The following GNG11 variants were observed in gnomAD, a reference collection of about 807,000 sequenced individuals.
GNG11 encodes the protein G protein subunit gamma 11, also known as guanine nucleotide-binding protein G(I)/G(S)/G(O) subunit gamma-11.
Under a neutral mutation model 7.4 loss-of-function variants are expected in GNG11, and 6 were observed. That is an observed-to-expected ratio of 0.81 (90% CI 0.44 to 1.60). The LOEUF is 1.60. Among genes scored for constraint, GNG11 ranks in the 40% most tolerant of loss-of-function variants. GNG11 has a pLI of 0.01. For synonymous variants in GNG11, 31 were observed against 25.9 expected (o/e 1.20, Z -0.60); for missense variants, 65 against 83.0 (o/e 0.78, Z 0.84).
intron 1 of GNG11, among the ~76,000 whole-genome samples, chr7:93,924,892 C>T (rs1420973633): frequency 1.3e-5 from 2 of 152,216 alleles, no homozygotes; most frequent in South Asian, 2.1e-4. Flanking sequence ...CGGCCTGGCG[C>T]GGTGTCCCAC....
chr7:93,925,913 C>A (rs1794672012), intron 1 of GNG11, among the ~76,000 whole-genome samples, 178 bp from the exon 2 acceptor site: 1 of 151,084 alleles, frequency 6.6e-6, no homozygotes, highest in African/African-American at 2.4e-5. Context: ...GTGCAGAGCC[C>A]AGATTTTATA....
chr7:93,925,612 GGCATTACACACCCC>G (rs1249381553), intron 1 of GNG11, among the ~76,000 whole-genome samples: 1 of 152,064 alleles, frequency 6.6e-6, no homozygotes, highest in African/African-American at 2.4e-5. Context: ...TGAGAATCGT[GGCATTACACACCCC>G]AAAACATTTG....
At position 93,925,958 on chromosome 7, in the gene GNG11, T is replaced by C. The variant is rs149193147; in HGVS notation, c.97-133T>C. On this transcript the variant is annotated intron_variant, in intron 1 of 1. Transcript: ENST00000248564. Reference sequence around the variant, plus strand: ...TATATATAATATATACACACACACATGCACATATATATGTAAATGTAAAAA... The same window carrying C: ...TATATATAATATATACACACACACACGCACATATATATGTAAATGTAAAAA... 380 of 316,994 alleles carry C rather than the reference T, an allele frequency of 1.2e-3. 1 individual carries two copies. Among genetic ancestry groups the C allele is most frequent in the African/African-American group, 7.8e-3 (358 of 45,660 alleles). The allele number at this position is 316,994 out of a possible 1,614,324, so 19.6% of individuals were successfully genotyped here.
At chr7:93,923,894 T>C (rs1794645414) in intron 1 of GNG11, among the ~76,000 whole-genome samples, 1 of 152,074 alleles carries the variant, frequency 6.6e-6, no homozygotes, top group Non-Finnish European at 1.5e-5. Context: ...CCTTAGGAAA[T>C]ACAGAAAGAG....
Position 93,927,679 on chromosome 7 carries a change from C to G in GNG11, c.*1463C>G, listed in dbSNP as rs958497862. The G allele has an allele frequency of 2.0e-5, 3 of 152,186 alleles. No homozygotes were observed. Among genetic ancestry groups the G allele is most frequent in the Admixed American group, 2.0e-4 (3 of 15,278 alleles). 9.4% of individuals were successfully genotyped at this position (152,186 alleles called of 1,614,324 possible). A position where few individuals can be genotyped will look rare whatever the true frequency, so the allele number is the denominator to read the frequency against. ...TATCAGCATCCTCGTTCTGAAATTC[C>G]TTTCCTTTCCCTCTCTGGGAAAGAA... is the stretch of plus-strand genomic sequence containing the variant. On this transcript the variant is annotated 3_prime_UTR_variant, in exon 2 of 2. Transcript: ENST00000248564.
chr7:93,925,177 T>TAATTA (rs1443662590), intron 1 of GNG11, among the ~76,000 whole-genome samples: 1 of 152,102 alleles, frequency 6.6e-6, no homozygotes, highest in Non-Finnish European at 1.5e-5. Flanking sequence ...AAGAAATAAA[T>TAATTA]AATTAAATTA....
chr7:93,925,080 C>CG (rs1794659071), intron 1 of GNG11, among the ~76,000 whole-genome samples: 1 of 152,168 alleles, frequency 6.6e-6, no homozygotes, highest in African/African-American at 2.4e-5. Flanking sequence ...AGGAGAATGG[C>CG]TAGAATCCGG....
chr7:93,927,925 T>C lies in GNG11; in HGVS notation c.*1709T>C, dbSNP rs1431449416. 2.0e-5 allele frequency: 3 copies of C among 152,288 alleles called. No homozygotes were observed. The East Asian group carries it at 5.8e-4, about 29-fold the overall frequency. 9.4% of individuals were successfully genotyped at this position (152,288 alleles called of 1,614,324 possible). A position where few individuals can be genotyped will look rare whatever the true frequency, so the allele number is the denominator to read the frequency against. ...AAAGGTGTATTTCTTCCAAACAGCA[T>C]AGAACTATTAGTACTATTAGTCATT... On this transcript the variant is annotated 3_prime_UTR_variant, in exon 2 of 2. Coordinates refer to ENST00000248564, the MANE Select transcript of GNG11 (RefSeq NM_004126.4).
Position 93,922,062 on chromosome 7 carries a change from C to G in GNG11, c.-76C>G, listed in dbSNP as rs551794640. On this transcript the variant is annotated 5_prime_UTR_variant, in exon 1 of 2. Transcript: ENST00000248564. ...CGGCGGGCCAGGCCTTCAGTTGTTTCGGGACGCGCCGAGCTTCGCCGCTCT... is the reference window on the plus strand; with the variant it reads ...CGGCGGGCCAGGCCTTCAGTTGTTTGGGGACGCGCCGAGCTTCGCCGCTCT... 1 of 904,448 alleles carries G rather than the reference C, an allele frequency of 1.1e-6. No individual in the cohort carries two copies. The highest frequency in any genetic ancestry group is 1.7e-6 in the Non-Finnish European group (1 of 600,266). 56.0% of individuals were successfully genotyped at this position (904,448 alleles called of 1,614,324 possible).
At chr7:93,922,487 A>T (rs1794628941) in intron 1 of GNG11, among the ~76,000 whole-genome samples, 1 of 152,188 alleles carries the variant, frequency 6.6e-6, no homozygotes, top group Non-Finnish European at 1.5e-5. Context: ...AGGAAGGGGA[A>T]AATAGACAAG....
In GNG11 at chr7:93,921,992, G is replaced by A. The variant is rs1438157488; in HGVS notation, c.-146G>A. 15 of 497,204 alleles carry A rather than the reference G, an allele frequency of 3.0e-5. No homozygotes were observed. The highest frequency in any genetic ancestry group is 4.8e-5 in the Non-Finnish European group (13 of 271,420). 30.8% of individuals were successfully genotyped at this position (497,204 alleles called of 1,614,324 possible). On this transcript the variant is annotated 5_prime_UTR_variant, in exon 1 of 2. Coordinates refer to ENST00000248564, the MANE Select transcript of GNG11 (RefSeq NM_004126.4). Reference sequence around the variant, plus strand: ...CCGGAGAAAGCCAAGCCCTCGGGGAGCTGGGGACCGCAGCAGGGCTGCAGT... The same window carrying A: ...CCGGAGAAAGCCAAGCCCTCGGGGAACTGGGGACCGCAGCAGGGCTGCAGT...
intron 1 of GNG11, among the ~76,000 whole-genome samples, chr7:93,925,056 T>C (rs1047575076): frequency 6.6e-5 from 10 of 152,036 alleles, no homozygotes; most frequent in Non-Finnish European, 8.8e-5. Context: ...CCCAGCTACT[T>C]GGGAGGCTGA....
chr7:93,924,979 G>A lies in GNG11; in HGVS notation c.97-1112G>A, dbSNP rs568957745. Among the ~76,000 whole-genome samples the A allele has an allele frequency of 2.8e-3, 426 of 152,210 alleles. 2 individuals carry two copies. The highest frequency in any genetic ancestry group is 7.4e-3 in the African/African-American group (307 of 41,540). ...GGAGATCAAGACCATGCTGGCTAAC[G>A]TGGTGAAACCCCGTCTCTACTAAAA... On this transcript the variant is annotated intron_variant, in intron 1 of 1. Coordinates refer to ENST00000248564, the MANE Select transcript of GNG11 (RefSeq NM_004126.4).
At position 93,928,388 on chromosome 7, in the gene GNG11, G is replaced by C. The variant is rs1794709961; in HGVS notation, c.*2172G>C. ...ATCATTATAACCCAGCCAACATGTA[G>C]AAGTGCAATAAAAATATTTTAATTT... On this transcript the variant is annotated 3_prime_UTR_variant, in exon 2 of 2. Transcript: ENST00000248564. The C allele has an allele frequency of 6.6e-6, 1 of 151,954 alleles. No homozygotes were observed. Among genetic ancestry groups the C allele is most frequent in the Admixed American group, 6.5e-5 (1 of 15,272 alleles). The allele number at this position is 151,954 out of a possible 1,614,324, so 9.4% of individuals were successfully genotyped here. A position where few individuals can be genotyped will look rare whatever the true frequency, so the allele number is the denominator to read the frequency against.
Position 93,922,119 on chromosome 7 carries a change from G to T in GNG11, c.-19G>T, listed in dbSNP as rs1794620866. On this transcript the variant is annotated 5_prime_UTR_variant, in exon 1 of 2. Transcript: ENST00000248564. ...GGCTCCGCTGCCAGAGCTAGCCCGA[G>T]CCCGGTTCTGGGGCGAAAATGCCTG... The T allele has an allele frequency of 5.8e-6, 9 of 1,541,876 alleles. No individual in the cohort carries two copies. The highest frequency in any genetic ancestry group is 8.0e-6 in the Non-Finnish European group (9 of 1,125,108).
intron 1 of GNG11, among the ~76,000 whole-genome samples, chr7:93,924,642 G>C (rs1049089937): frequency 7.9e-5 from 12 of 152,146 alleles, no homozygotes; most frequent in African/African-American, 2.7e-4. Context: ...TGCTATTTCT[G>C]TTTAGTTTTA....
At chr7:93,924,519 G>C (rs1380185953) in intron 1 of GNG11, among the ~76,000 whole-genome samples, 4 of 152,192 alleles carry the variant, frequency 2.6e-5, no homozygotes, top group Non-Finnish European at 4.4e-5. Context: ...ATTTTATTTT[G>C]CCAGATTTTA....
rs1397796224 is a variant in GNG11, at chr7:93,921,921, G to A, written c.-217G>A. 3 of 434,934 alleles carry A rather than the reference G, an allele frequency of 6.9e-6. No individual in the cohort carries two copies. The Admixed American group carries it at 1.2e-4, about 18-fold the overall frequency. The allele number at this position is 434,934 out of a possible 1,614,324, so 26.9% of individuals were successfully genotyped here. On this transcript the variant is annotated 5_prime_UTR_variant, in exon 1 of 2. Coordinates refer to ENST00000248564, the MANE Select transcript of GNG11 (RefSeq NM_004126.4). ...TTGCAGGGACTTGAGAAAAGGCAGA[G>A]TTCTCAGGTCCTAGGAAGCTGGGGC...
intron 1 of GNG11, among the ~76,000 whole-genome samples, chr7:93,925,400 C>T (rs1460436347): frequency 1.3e-5 from 2 of 152,024 alleles, no homozygotes; most frequent in African/African-American, 2.4e-5. Context: ...TTCTCCATCT[C>T]AGAAAAAAAT....
Sources: gnomAD v4.1 joint callset for allele counts (sites outside exome capture counted in the v4.1 genomes callset) on GRCh38, gnomAD v4.1.1 for gene constraint, MANE v1.5 for transcripts, NCBI Gene and HGNC (gene_info 2026-07-23, HGNC 2026-07-21) for gene names.